PRICKLE1: variants seen among roughly 807,000 people sequenced by gnomAD.
PRICKLE1 encodes prickle-like protein 1.
PRICKLE1 carries 14 observed loss-of-function variants against 70.2 expected under a neutral mutation model. The observed-to-expected ratio is 0.20, with a 90% CI of 0.13 to 0.31. The LOEUF is 0.31. Ranked by LOEUF, PRICKLE1 falls within the 10% of genes least tolerant of loss-of-function variation. PRICKLE1 has a pLI of 1.00. For synonymous variants in PRICKLE1, 357 were observed against 379.9 expected (o/e 0.94, Z 0.70); for missense variants, 821 against 1,026.2 (o/e 0.80, Z 2.73).
At chr12:42,514,790 T>C (rs1939575099) in intron 1 of PRICKLE1, among the ~76,000 whole-genome samples, 1 of 152,176 alleles carries the variant, frequency 6.6e-6, no homozygotes, top group South Asian at 2.1e-4. Context: ...TTTCTTCCCT[T>C]TTCTGCTTCC....
intron 1 of PRICKLE1, among the ~76,000 whole-genome samples, chr12:42,495,400 A>AAAAG (rs1555233526): frequency 2.4e-4 from 33 of 136,568 alleles, no homozygotes; most frequent in African/African-American, 8.3e-4. Flanking sequence ...AAAAAAAAAA[A>AAAAG]AGAGAGAGAG....
At chr12:42,474,271 C>T (rs938841241) in intron 1 of PRICKLE1, among the ~76,000 whole-genome samples, 22 of 151,568 alleles carry the variant, frequency 1.5e-4, no homozygotes, top group African/African-American at 5.1e-4. Flanking sequence ...GACTCCGTCT[C>T]GAAAAAAATA....
At chr12:42,469,707 C>A in intron 3 of PRICKLE1, 120 bp from the exon 4 acceptor site, 4 of 1,279,846 alleles carry the variant, frequency 3.1e-6, no homozygotes, top group Non-Finnish European at 4.5e-6. Flanking sequence ...CTGTGTCACA[C>A]CCCCACGATT....
chr12:42,469,696 C>T, intron 3 of PRICKLE1, 109 bp from the exon 4 acceptor site: 2 of 1,396,662 alleles, frequency 1.4e-6, no homozygotes, highest in South Asian at 2.3e-5. Context: ...GTTTAGCTCG[C>T]CTGTGTCACA....
At chr12:42,510,857 G>A (rs1188850542) in intron 1 of PRICKLE1, among the ~76,000 whole-genome samples, 1 of 152,204 alleles carries the variant, frequency 6.6e-6, no homozygotes, top group East Asian at 1.9e-4. Flanking sequence ...AAAAAGTTGT[G>A]TGATAAAAAT....
intron 1 of PRICKLE1, among the ~76,000 whole-genome samples, chr12:42,479,473 C>G (rs867186032): frequency 6.6e-6 from 1 of 152,170 alleles, no homozygotes; most frequent in Non-Finnish European, 1.5e-5. Context: ...AGCTTGTTCC[C>G]CAAATTCAAG....
intron 1 of PRICKLE1, among the ~76,000 whole-genome samples, chr12:42,494,126 A>T (rs1939153388): frequency 6.6e-6 from 1 of 152,206 alleles, no homozygotes; most frequent in Admixed American, 6.5e-5. Context: ...AATGCTAATG[A>T]TCATCTGAGC....
intron 1 of PRICKLE1, among the ~76,000 whole-genome samples, chr12:42,515,388 T>C (rs1234412604): frequency 6.6e-6 from 1 of 150,992 alleles, no homozygotes; most frequent in Non-Finnish European, 1.5e-5. Flanking sequence ...TACAGGTGTC[T>C]GCCACCACGC....
chr12:42,579,737 A>G (rs1316729732), intron 1 of PRICKLE1, among the ~76,000 whole-genome samples: 1 of 152,208 alleles, frequency 6.6e-6, no homozygotes, highest in Non-Finnish European at 1.5e-5. Context: ...AGTGAGTTTT[A>G]AAGTTCTTCT....
At chr12:42,487,747 C>T (rs1939014515) in intron 1 of PRICKLE1, among the ~76,000 whole-genome samples, 2 of 152,128 alleles carry the variant, frequency 1.3e-5, no homozygotes, top group Non-Finnish European at 1.5e-5. Flanking sequence ...CACTTTCCAA[C>T]TAAAACAAAA....
At chr12:42,561,650 C>T (rs1448699487) in intron 1 of PRICKLE1, among the ~76,000 whole-genome samples, 1 of 152,120 alleles carries the variant, frequency 6.6e-6, no homozygotes, top group African/African-American at 2.4e-5. Context: ...GAGACTTTTT[C>T]AGAGTAGACA....
chr12:42,582,629 C>T lies in PRICKLE1; in HGVS notation c.-49+6836G>A, dbSNP rs150641883. Among the ~76,000 whole-genome samples, 474 of 152,320 alleles carry T rather than the reference C, an allele frequency of 3.1e-3. 2 individuals are homozygous for T. The highest frequency in any genetic ancestry group is 0.01 in the African/African-American group (421 of 41,572). ...GAGCACTAAGCAGTCTTCTTGTGTA[C>T]AATCGAACATCCTCTAAATGATTTG... On this transcript the variant is annotated intron_variant, in intron 1 of 7. Coordinates refer to ENST00000345127, the MANE Select transcript of PRICKLE1 (RefSeq NM_153026.3).
At chr12:42,493,567 C>A (rs1315451882) in intron 1 of PRICKLE1, among the ~76,000 whole-genome samples, 1 of 152,164 alleles carries the variant, frequency 6.6e-6, no homozygotes, top group African/African-American at 2.4e-5. Context: ...GTCTTCTATT[C>A]CCAGTTTGTT....
intron 1 of PRICKLE1, among the ~76,000 whole-genome samples, chr12:42,493,532 T>C (rs1483464284): frequency 6.6e-6 from 1 of 152,232 alleles, no homozygotes; most frequent in East Asian, 1.9e-4. Flanking sequence ...ATGATCCATC[T>C]ACCTCCAAAC....
intron 1 of PRICKLE1, among the ~76,000 whole-genome samples, chr12:42,516,636 A>C (rs1939616844): frequency 6.6e-6 from 1 of 152,038 alleles, no homozygotes; most frequent in African/African-American, 2.4e-5. Flanking sequence ...ACCTGTTCAT[A>C]TTTAATAGTG....
At position 42,561,998 on chromosome 12, in the gene PRICKLE1, G is replaced by A. The variant is rs1286138234; in HGVS notation, c.-49+27467C>T. On this transcript the variant is annotated intron_variant, in intron 1 of 7. Transcript: ENST00000345127. ...ACGATCTCGGCTCACTGAAATCTCC[G>A]CCTCCTGGGTTCAGGCTATTCTCCT... Among the ~76,000 whole-genome samples the A allele has an allele frequency of 9.6e-5, 13 of 135,750 alleles. No individual in the cohort carries two copies. In the South Asian group the frequency reaches 9.8e-4, roughly 10 times the overall value. The allele number at this position is 135,750 out of a possible 152,430, so 89.1% of individuals were successfully genotyped here.
chr12:42,577,188 C>A (rs115360351), intron 1 of PRICKLE1, among the ~76,000 whole-genome samples: 4 of 152,186 alleles, frequency 2.6e-5, no homozygotes, highest in African/African-American at 9.7e-5. Flanking sequence ...AAATTGTCCA[C>A]ATTTCCCATG....
intron 1 of PRICKLE1, among the ~76,000 whole-genome samples, chr12:42,487,354 T>C (rs537738178): frequency 1.3e-5 from 2 of 152,340 alleles, no homozygotes; most frequent in South Asian, 4.1e-4. Flanking sequence ...CTAACAGGCA[T>C]TATAAAGTTT....
At chr12:42,487,129 G>T (rs1383675795) in intron 1 of PRICKLE1, among the ~76,000 whole-genome samples, 1 of 152,192 alleles carries the variant, frequency 6.6e-6, no homozygotes, top group African/African-American at 2.4e-5. Context: ...AGGAATCACT[G>T]TAATGATATT....
Sources: allele counts gnomAD v4.1 joint callset (sites outside exome capture counted in the v4.1 genomes callset), GRCh38; gene constraint gnomAD v4.1.1; transcripts MANE v1.5; gene names NCBI Gene and HGNC (gene_info 2026-07-23, HGNC 2026-07-21).